The following XKR5 variants were observed in gnomAD, a reference collection of about 807,000 sequenced individuals.
XKR5 encodes XK related 5, also known as XK-related protein 5.
In XKR5, 46 loss-of-function variants were observed where a neutral mutation model predicts 40.8. That is an observed-to-expected ratio of 1.13 (90% confidence interval 0.89 to 1.44). The LOEUF (loss-of-function observed/expected upper bound fraction) is 1.44, where lower values mean the gene tolerates loss of function less well. XKR5 is among the 40% of genes most tolerant of loss of function. The pLI, the probability that XKR5 is intolerant of heterozygous loss-of-function variation, is 0.00. For synonymous variants in XKR5, 466 were observed against 356.1 expected (o/e 1.31, Z -3.48); for missense variants, 1,169 against 844.7 (o/e 1.38, Z -4.76).
chr8:6,823,727 A>G lies in XKR5; in HGVS notation c.431T>C (p.Val144Ala). The stretch of plus-strand genomic sequence containing the variant: ...TGAGGACCAGGAAAACAGGGTGCTC[A>G]CCCCTGAAAGGGAAGCAGAAAGATG... ...ASDFTDIVPG[V>A]STLFSWSSLS... The change falls in exon 4 of 7, where the codon GTG (valine) becomes GCG (alanine). Residue 144 changes from valine to alanine, a missense_variant. Transcript: ENST00000618742. The G allele has an allele frequency of 6.4e-7, 1 of 1,573,598 alleles. No individual in the cohort carries two copies. Among genetic ancestry groups the G allele is most frequent in the African/African-American group, 1.3e-5 (1 of 74,110 alleles).
chr8:6,832,728 A>G lies in XKR5; in HGVS notation c.231T>C (p.Gly77=). Residue 77 remains glycine, a synonymous_variant, in exon 2 of 7, where the codon GGT becomes GGC. Transcript: ENST00000618742. ...SLMMLHLLQL[G]VWKRHWDAAL... is the part of the protein sequence containing the mutation. Reference sequence around the variant, plus strand: ...GCAGCTGTTCTTACCGCTTCCAAACACCAAGCTGTAGGAGGTGCAGCATCA... The same window carrying G: ...GCAGCTGTTCTTACCGCTTCCAAACGCCAAGCTGTAGGAGGTGCAGCATCA... The G allele has an allele frequency of 6.2e-7, 1 of 1,612,948 alleles. No individual in the cohort carries two copies. The highest frequency in any genetic ancestry group is 8.5e-7 in the Non-Finnish European group (1 of 1,179,512).
At chr8:6,826,177 G>T (rs1804468170) in intron 2 of XKR5, among the ~76,000 whole-genome samples, 1 of 150,582 alleles carries the variant, frequency 6.6e-6, no homozygotes, top group Non-Finnish European at 1.5e-5. Flanking sequence ...GTATGCATGT[G>T]TGTGTGCAAG....
At chr8:6,812,900 C>T (rs1161312407) in intron 6 of XKR5, among the ~76,000 whole-genome samples, 2 of 152,224 alleles carry the variant, frequency 1.3e-5, no homozygotes, top group African/African-American at 2.4e-5. Flanking sequence ...TTCCTTTGTG[C>T]ATAAACATCT....
At chr8:6,830,959 C>A (rs1804739016) in intron 2 of XKR5, among the ~76,000 whole-genome samples, 1 of 152,172 alleles carries the variant, frequency 6.6e-6, no homozygotes, top group South Asian at 2.1e-4. Flanking sequence ...TTCCATGAGG[C>A]CTGAGGGTCC....
At chr8:6,832,391 C>A (rs1804810098) in intron 2 of XKR5, among the ~76,000 whole-genome samples, 1 of 152,198 alleles carries the variant, frequency 6.6e-6, no homozygotes, top group African/African-American at 2.4e-5. Context: ...GATGGAACTG[C>A]CTTAAGTAAG....
intron 5 of XKR5, among the ~76,000 whole-genome samples, chr8:6,820,156 A>G (rs1220418523): frequency 4.6e-5 from 7 of 152,236 alleles, no homozygotes; most frequent in African/African-American, 1.7e-4. Context: ...TCGGGCAGCA[A>G]GGCCTAAAGC....
intron 5 of XKR5, among the ~76,000 whole-genome samples, chr8:6,817,959 T>G (rs564533898): frequency 6.6e-6 from 1 of 152,316 alleles, no homozygotes; most frequent in South Asian, 2.1e-4. Context: ...ACTTTCCTGC[T>G]TTTTGTAAAT....
At chr8:6,825,661 A>G (rs1245420841) in intron 2 of XKR5, among the ~76,000 whole-genome samples, 1 of 152,036 alleles carries the variant, frequency 6.6e-6, no homozygotes, top group Non-Finnish European at 1.5e-5. Context: ...CAGCTCTGTG[A>G]AGCTCGGCAA....
intron 1 of XKR5, among the ~76,000 whole-genome samples, chr8:6,834,687 G>A (rs1000448715): frequency 6.6e-6 from 1 of 152,238 alleles, no homozygotes; most frequent in East Asian, 1.9e-4. Flanking sequence ...CCACCCCAGG[G>A]ACTCTGCCCG....
intron 2 of XKR5, among the ~76,000 whole-genome samples, chr8:6,831,823 G>A (rs1387409325): frequency 6.6e-6 from 1 of 152,072 alleles, no homozygotes; most frequent in Non-Finnish European, 1.5e-5. Flanking sequence ...AGACGATGCT[G>A]GCTAACCCAG....
chr8:6,834,109 T>C (rs1197733820), intron 1 of XKR5, among the ~76,000 whole-genome samples: 1 of 152,150 alleles, frequency 6.6e-6, no homozygotes, highest in Admixed American at 6.5e-5. Context: ...ACTCTGGGCC[T>C]CCCCAATACT....
chr8:6,816,010 C>G (rs1468308885), intron 5 of XKR5, 92 bp from the exon 6 acceptor site: 1 of 927,650 alleles, frequency 1.1e-6, no homozygotes, highest in Non-Finnish European at 1.7e-6. Flanking sequence ...TCCCCCTCCC[C>G]TCCATCCTGA....
chr8:6,808,610 G>C lies in XKR5; in HGVS notation c.*2588C>G, dbSNP rs377243888. On this transcript the variant is annotated 3_prime_UTR_variant, in exon 7 of 7. Transcript: ENST00000618742. The stretch of plus-strand genomic sequence containing the variant: ...ATCACCGGGCAATATGCTTTCTGGA[G>C]GCATGAAGTGAGGAAGCCATCTGAG... 4.9e-4 allele frequency: 74 copies of C among 152,296 alleles called. No individual in the cohort carries two copies. Among genetic ancestry groups the C allele is most frequent in the African/African-American group, 1.7e-3 (72 of 41,568 alleles). The allele number at this position is 152,296 out of a possible 1,614,324, so 9.4% of individuals were successfully genotyped here. A position where few individuals can be genotyped will look rare whatever the true frequency, so the allele number is the denominator to read the frequency against.
In XKR5 at chr8:6,823,687, C is replaced by T; in HGVS notation, c.471G>A (p.Leu157=). The T allele has an allele frequency of 1.3e-6, 2 of 1,590,554 alleles. No individual in the cohort carries two copies. The highest frequency in any genetic ancestry group is 1.7e-6 in the Non-Finnish European group (2 of 1,168,576). ...LFSWSSLSWA[L]VSYTRFMGFM... ...AGCCCATGAAGCGAGTGTAGGACAC[C>T]AGTGCCCAGGAGAGTGAGGACCAGG... Residue 157 remains leucine, a synonymous_variant, in exon 4 of 7, where the codon CTG becomes CTA. Transcript: ENST00000618742.
At position 6,811,288 on chromosome 8, in the gene XKR5, G is replaced by A; in HGVS notation, c.1971C>T (p.Pro657=). The A allele has an allele frequency of 6.5e-7, 1 of 1,537,324 alleles. No individual in the cohort carries two copies. Among genetic ancestry groups the A allele is most frequent in the African/African-American group, 1.4e-5 (1 of 73,180 alleles). The change falls in exon 7 of 7, where the codon CCC becomes CCT. Residue 657 remains proline (P), a synonymous_variant. Coordinates refer to ENST00000618742, the MANE Select transcript of XKR5 (RefSeq NM_207411.5). ...SLPQLRTAHE[P]CLTSTPKSES... is the part of the protein sequence containing the mutation. ...CAGACTTAGGGGTGGACGTGAGGCA[G>A]GGCTCATGGGCAGTCCTCAGCTGTG...
At position 6,811,853 on chromosome 8, in the gene XKR5, G is replaced by A; in HGVS notation, c.1406C>T (p.Ser469Phe). 1.3e-6 allele frequency: 2 copies of A among 1,537,624 alleles called. No homozygotes were observed. The highest frequency in any genetic ancestry group is 1.7e-6 in the Non-Finnish European group (2 of 1,146,998). ...SRDPSTLENS[S>F]AFEGVPKAEA... ...TGCTTTAGGGACACCTTCAAACGCAGAGCTGTTCTCTAAGGTTGAGGGGTC... is the reference window on the plus strand; with the variant it reads ...TGCTTTAGGGACACCTTCAAACGCAAAGCTGTTCTCTAAGGTTGAGGGGTC... The change falls in exon 7 of 7, where the codon TCT becomes TTT. Residue 469 changes from serine (S) to phenylalanine (F), a missense_variant. Ser to Phe is a radical substitution (Grantham distance 155). Coordinates refer to ENST00000618742, the MANE Select transcript of XKR5 (RefSeq NM_207411.5).
intron 5 of XKR5, 77 bp downstream of exon 5, chr8:6,821,792 A>T (rs934786395): frequency 1.5e-5 from 19 of 1,293,690 alleles, no homozygotes; most frequent in Non-Finnish European, 1.9e-5. Flanking sequence ...ACACACACAC[A>T]CCCCCCACAC....
At position 6,812,238 on chromosome 8, in the gene XKR5, T is replaced by G. The variant is rs1432824575; in HGVS notation, c.1021A>C (p.Lys341Gln). 3 of 1,552,480 alleles carry G rather than the reference T, an allele frequency of 1.9e-6. No homozygotes were observed. Among genetic ancestry groups the G allele is most frequent in the Non-Finnish European group, 2.6e-6 (3 of 1,147,248 alleles). The change falls in exon 7 of 7, where the codon AAA (lysine) becomes CAA (glutamine). Residue 341 changes from lysine to glutamine, a missense_variant. Coordinates refer to ENST00000618742, the MANE Select transcript of XKR5 (RefSeq NM_207411.5). The part of the protein sequence containing the change: ...RKSCGIAGGD[K>Q]TERRDSPRAT... ...CGGGGAGAATCTCTTCTCTCTGTTTTATCACCTCCTGCAATGCCACAGGAC... is the reference window on the plus strand; with the variant it reads ...CGGGGAGAATCTCTTCTCTCTGTTTGATCACCTCCTGCAATGCCACAGGAC...
rs537211987 is a variant in XKR5, at chr8:6,811,229, T to C, written c.2030A>G (p.Gln677Arg). The change falls in exon 7 of 7, where the codon CAG becomes CGG. Residue 677 changes from glutamine to arginine, a missense_variant. Gln to Arg is a conservative substitution (Grantham distance 43). Coordinates refer to ENST00000618742, the MANE Select transcript of XKR5 (RefSeq NM_207411.5). ...GAAAAAACTCGGCTCTTGCTTCATC[T>C]GTTCCCTGCAGCTGCAGTCCGTTTG... is the stretch of plus-strand genomic sequence containing the variant. Reference protein sequence around the residue: ...SIQTDCSCREQMKQEPSFFI With the variant: ...SIQTDCSCRERMKQEPSFFI The C allele has an allele frequency of 1.4e-4, 218 of 1,537,236 alleles. No homozygotes were observed. Among genetic ancestry groups the C allele is most frequent in the Non-Finnish European group, 1.8e-4 (212 of 1,146,874 alleles).
Sources: allele counts gnomAD v4.1 joint callset (sites outside exome capture counted in the v4.1 genomes callset), GRCh38; gene constraint gnomAD v4.1.1; transcripts MANE v1.5; gene names NCBI Gene and HGNC (gene_info 2026-07-23, HGNC 2026-07-21).